The following WWOX variants were observed in gnomAD, a reference collection of about 807,000 sequenced individuals.
WWOX encodes the protein WW domain containing oxidoreductase.
WWOX carries 69 observed loss-of-function variants against 46.2 expected under a neutral mutation model. The ratio of observed to expected loss-of-function variants is 1.49; its 90% CI spans 1.23 to 1.82. The LOEUF (loss-of-function observed/expected upper bound fraction) is 1.82, where lower values mean the gene tolerates loss of function less well. Among genes scored for constraint, WWOX ranks in the 40% most tolerant of loss-of-function variants. WWOX has a pLI of 0.00. For missense variants in WWOX, 919 were observed against 542.6 expected, an observed-to-expected ratio of 1.69 and a Z score of -6.89; for synonymous variants, 359 against 202.6, an observed-to-expected ratio of 1.77 and a Z score of -6.56.
chr16:78,122,103 T>A (rs12920183), intron 4 of WWOX, among the ~76,000 whole-genome samples: 1 of 152,226 alleles, frequency 6.6e-6, no homozygotes, highest in African/African-American at 2.4e-5. Flanking sequence ...ATTATTATTG[T>A]TGATCTCTTA....
At position 78,951,144 on chromosome 16, in the gene WWOX, T is replaced by G. The variant is rs76881262; in HGVS notation, c.1057-260464T>G. On this transcript the variant is annotated intron_variant, in intron 8 of 8. Coordinates refer to ENST00000566780, the MANE Select transcript of WWOX (RefSeq NM_016373.4). Reference sequence around the variant, plus strand: ...GCTTAGACCAAAGATGGGGATTGATTGGCAACTGGGAAGCCTAAGGGTGGA... The same window carrying G: ...GCTTAGACCAAAGATGGGGATTGATGGGCAACTGGGAAGCCTAAGGGTGGA... 3.3e-5 allele frequency among the ~76,000 whole-genome samples: 5 copies of G among 152,304 alleles called. No individual in the cohort carries two copies. The East Asian group carries it at 9.6e-4, about 29-fold the overall frequency.
intron 8 of WWOX, among the ~76,000 whole-genome samples, chr16:78,787,465 A>G (rs1048008577): frequency 2.0e-5 from 3 of 152,158 alleles, no homozygotes; most frequent in African/African-American, 7.2e-5. Flanking sequence ...CATGCTTTCA[A>G]GGTTCATCCA....
chr16:79,019,944 C>T (rs2047497773), intron 8 of WWOX, among the ~76,000 whole-genome samples: 1 of 152,208 alleles, frequency 6.6e-6, no homozygotes, highest in East Asian at 1.9e-4. Context: ...TGCATCCATA[C>T]CAAGCACACA....
intron 8 of WWOX, among the ~76,000 whole-genome samples, chr16:78,541,633 G>T (rs1217488529): frequency 6.6e-6 from 1 of 151,956 alleles, no homozygotes; most frequent in Non-Finnish European, 1.5e-5. Flanking sequence ...GACAGACCTG[G>T]GATCAAATCC....
intron 8 of WWOX, among the ~76,000 whole-genome samples, chr16:78,508,828 G>A (rs903480910): frequency 1.3e-5 from 2 of 152,186 alleles, no homozygotes; most frequent in East Asian, 3.9e-4. Context: ...CAGAAGGGGT[G>A]ATTACTGTTT....
chr16:78,914,344 G>A (rs2151259759), intron 8 of WWOX, among the ~76,000 whole-genome samples: 1 of 152,154 alleles, frequency 6.6e-6, no homozygotes, highest in South Asian at 2.1e-4. Context: ...TCAGCACTTA[G>A]AACAGTACCT....
chr16:78,310,357 G>C (rs1310507184), intron 5 of WWOX, among the ~76,000 whole-genome samples: 1 of 152,186 alleles, frequency 6.6e-6, no homozygotes, highest in African/African-American at 2.4e-5. Context: ...CGCACACACA[G>C]CCTGCACTAT....
chr16:78,991,903 T>C (rs1490853211), intron 8 of WWOX, among the ~76,000 whole-genome samples: 2 of 152,154 alleles, frequency 1.3e-5, no homozygotes, highest in Non-Finnish European at 2.9e-5. Flanking sequence ...AAATGTTCCT[T>C]TGTTCCCGCC....
At chr16:78,380,507 C>G (rs973214683) in intron 5 of WWOX, among the ~76,000 whole-genome samples, 1 of 152,064 alleles carries the variant, frequency 6.6e-6, no homozygotes, top group Non-Finnish European at 1.5e-5. Flanking sequence ...ACCCATTCAG[C>G]CGTATCAGTG....
chr16:78,856,319 G>A (rs1164029480), intron 8 of WWOX, among the ~76,000 whole-genome samples: 6 of 152,188 alleles, frequency 3.9e-5, no homozygotes, highest in African/African-American at 1.4e-4. Flanking sequence ...GGGAGTAACA[G>A]GCTTGTAGTG....
intron 5 of WWOX, among the ~76,000 whole-genome samples, chr16:78,230,044 TAA>T (rs2037201336): frequency 6.6e-6 from 1 of 152,082 alleles, no homozygotes; most frequent in Non-Finnish European, 1.5e-5. Flanking sequence ...CACACCCAGC[TAA>T]TTTTTATATT....
chr16:78,815,949 G>A (rs188231143), intron 8 of WWOX, among the ~76,000 whole-genome samples: 228 of 152,260 alleles, frequency 1.5e-3, no homozygotes, highest in African/African-American at 5.3e-3. Context: ...CTCTCTCGAT[G>A]TTCCCAAGTC....
chr16:79,205,166 C>G (rs1191462855), intron 8 of WWOX: 2 of 152,300 alleles, frequency 1.3e-5, no homozygotes, highest in Non-Finnish European at 2.9e-5. Flanking sequence ...ACTCTTCCCC[C>G]TGCATGCGTT....
At chr16:78,801,567 T>A (rs1445663209) in intron 8 of WWOX, among the ~76,000 whole-genome samples, 2 of 152,188 alleles carry the variant, frequency 1.3e-5, no homozygotes, top group East Asian at 3.9e-4. Flanking sequence ...CCTTCTAGCA[T>A]TTGAATGCAG....
At chr16:78,376,920 A>T (rs1417398793) in intron 5 of WWOX, among the ~76,000 whole-genome samples, 1 of 152,224 alleles carries the variant, frequency 6.6e-6, no homozygotes, top group Non-Finnish European at 1.5e-5. Context: ...AAATCCTTTG[A>T]ACCAGAACAG....
At chr16:78,146,742 A>G (rs1393206255) in intron 4 of WWOX, among the ~76,000 whole-genome samples, 1 of 152,216 alleles carries the variant, frequency 6.6e-6, no homozygotes, top group African/African-American at 2.4e-5. Flanking sequence ...TACCAATTGT[A>G]TGCCCTGTGG....
At chr16:78,800,425 G>A (rs2050856433) in intron 8 of WWOX, among the ~76,000 whole-genome samples, 1 of 152,168 alleles carries the variant, frequency 6.6e-6, no homozygotes, top group African/African-American at 2.4e-5. Flanking sequence ...GATTGTGTAG[G>A]TGCCTGTAGT....
chr16:78,365,284 C>A (rs1435648487), intron 5 of WWOX, among the ~76,000 whole-genome samples: 2 of 152,068 alleles, frequency 1.3e-5, no homozygotes, highest in Non-Finnish European at 2.9e-5. Context: ...GAAGTGAAAC[C>A]GCTGGAGGAA....
chr16:78,493,176 A>C (rs2084828157), intron 8 of WWOX, among the ~76,000 whole-genome samples: 1 of 152,188 alleles, frequency 6.6e-6, no homozygotes, highest in Non-Finnish European at 1.5e-5. Context: ...CATGTCAGTT[A>C]CTTAATGGAA....
Sources: allele counts gnomAD v4.1 joint callset (sites outside exome capture counted in the v4.1 genomes callset), GRCh38; gene constraint gnomAD v4.1.1; transcripts MANE v1.5; gene names NCBI Gene and HGNC (gene_info 2026-07-23, HGNC 2026-07-21).